The following ZNF600 variants were observed in gnomAD, a reference collection of about 807,000 sequenced individuals.
The protein encoded by ZNF600 is zinc finger protein 600, also known as zinc finger protein KR-ZNF1.
A neutral mutation model predicts 7.3 loss-of-function variants in ZNF600; 4 were observed. The observed-to-expected ratio is 0.55, with a 90% CI of 0.27 to 1.25. ZNF600 has a LOEUF of 1.25. ZNF600 is among the 50% of genes most tolerant of loss of function. The pLI is 0.12. For missense variants in ZNF600, 911 were observed against 922.1 expected (o/e 0.99, Z 0.16); for synonymous variants, 290 against 308.9 (o/e 0.94, Z 0.64).
At chr19:52,803,558 A>C in the ZNF600 span, among the ~76,000 whole-genome samples, 1 of 152,264 alleles carries the variant, frequency 6.6e-6, no homozygotes, top group Non-Finnish European at 1.5e-5. Context: ...CTCTTAAGAA[A>C]AAAGCCAAAA....
At chr19:52,799,109 C>A in the ZNF600 span, 1 of 417,416 alleles carries the variant, frequency 2.4e-6, no homozygotes. Context: ...TGTAAGATTT[C>A]TCTGCAGTAT....
the ZNF600 span, among the ~76,000 whole-genome samples, chr19:52,794,210 T>C: frequency 6.6e-6 from 1 of 152,202 alleles, no homozygotes; most frequent in Non-Finnish European, 1.5e-5. Context: ...AAGTTCAAGA[T>C]GATTTGAGTC....
chr19:52,798,729 A>C, the ZNF600 span: 5 of 502,896 alleles, frequency 9.9e-6, no homozygotes, highest in African/African-American at 9.9e-5. Flanking sequence ...ATAGCAATAT[A>C]TGAACGATAT....
the ZNF600 span, among the ~76,000 whole-genome samples, chr19:52,795,520 G>GT: frequency 6.6e-6 from 1 of 152,110 alleles, no homozygotes; most frequent in Admixed American, 6.6e-5. Context: ...AAACAATGAT[G>GT]TGACTTCGTA....
the ZNF600 span, among the ~76,000 whole-genome samples, chr19:52,811,301 GC>G: frequency 6.6e-6 from 1 of 151,068 alleles, no homozygotes; most frequent in East Asian, 1.9e-4. Context: ...TGCAGCCTCT[GC>G]CCGGCCGCCA....
chr19:52,823,970 G>A, the ZNF600 span, among the ~76,000 whole-genome samples: 2 of 151,912 alleles, frequency 1.3e-5, no homozygotes, highest in African/African-American at 4.8e-5. Flanking sequence ...GGCTGAGGGA[G>A]GTGAATCGCT....
At chr19:52,801,595 C>T in the ZNF600 span, 3 of 1,614,184 alleles carry the variant, frequency 1.9e-6, no homozygotes, top group Non-Finnish European at 2.5e-6. Flanking sequence ...AAGCAAAAAT[C>T]TCCAATGTGA....
chr19:52,800,531 A>C, the ZNF600 span: 1 of 1,611,828 alleles, frequency 6.2e-7, no homozygotes, highest in East Asian at 2.2e-5. Context: ...TACACTTGTA[A>C]GGCTTCTCTC....
At chr19:52,815,224 T>C in the ZNF600 span, among the ~76,000 whole-genome samples, 1 of 144,324 alleles carries the variant, frequency 6.9e-6, no homozygotes, top group Non-Finnish European at 1.5e-5. Context: ...GCAGAAAAAA[T>C]AACTATTGGG....
chr19:52,808,226 G>A, the ZNF600 span: 1 of 1,555,694 alleles, frequency 6.4e-7, no homozygotes, highest in Non-Finnish European at 8.7e-7. Context: ...GGATTTAGTT[G>A]TAGTGAATGT....
chr19:52,829,118 C>A, the ZNF600 span, among the ~76,000 whole-genome samples: 1 of 152,110 alleles, frequency 6.6e-6, no homozygotes, highest in Non-Finnish European at 1.5e-5. Flanking sequence ...CCCGCCTCGG[C>A]CTCCCAAAGT....
chr19:52,820,531 T>C, the ZNF600 span, among the ~76,000 whole-genome samples: 1 of 152,060 alleles, frequency 6.6e-6, no homozygotes, highest in African/African-American at 2.4e-5. Flanking sequence ...TCTTCTCTGT[T>C]ATAACCCCCT....
chr19:52,769,829 A>G (rs1363212334), intron 3 of ZNF600, among the ~76,000 whole-genome samples: 1 of 152,200 alleles, frequency 6.6e-6, no homozygotes, highest in Non-Finnish European at 1.5e-5. Context: ...TTCTGGGATT[A>G]CAGGTGTGAG....
chr19:52,806,612 A>G, the ZNF600 span, among the ~76,000 whole-genome samples: 3 of 133,502 alleles, frequency 2.2e-5, no homozygotes, highest in African/African-American at 3.3e-5. Flanking sequence ...ATTTAAAATA[A>G]TAACAATGGT....
At chr19:52,800,737 G>A in the ZNF600 span, 2 of 1,613,828 alleles carry the variant, frequency 1.2e-6, no homozygotes, top group East Asian at 4.5e-5. Flanking sequence ...TGGCGTGCAA[G>A]GGTTGACAGT....
chr19:52,770,925 C>T (rs896233534), intron 3 of ZNF600, among the ~76,000 whole-genome samples: 1 of 152,086 alleles, frequency 6.6e-6, no homozygotes, highest in African/African-American at 2.4e-5. Flanking sequence ...TCTCTACCTC[C>T]CAGGTTCAAG....
chr19:52,825,037 C>T, the ZNF600 span, among the ~76,000 whole-genome samples: 1 of 152,018 alleles, frequency 6.6e-6, no homozygotes, highest in Non-Finnish European at 1.5e-5. Flanking sequence ...GCAGAGGCTG[C>T]AGGGCACATG....
chr19:52,787,978 A>G (rs569517030), upstream of ZNF600, among the ~76,000 whole-genome samples: 2 of 152,256 alleles, frequency 1.3e-5, no homozygotes, highest in East Asian at 3.9e-4. Context: ...TATGACTTTC[A>G]TACATAGATT....
At chr19:52,825,493 G>C in the ZNF600 span, among the ~76,000 whole-genome samples, 1 of 152,016 alleles carries the variant, frequency 6.6e-6, no homozygotes, top group South Asian at 2.1e-4. Flanking sequence ...GGCCAATATG[G>C]AGAAACTCCA....
Sources: allele counts gnomAD v4.1 joint callset (sites outside exome capture counted in the v4.1 genomes callset), GRCh38; gene constraint gnomAD v4.1.1; transcripts MANE v1.5; gene names NCBI Gene and HGNC (gene_info 2026-07-23, HGNC 2026-07-21).